SYT17: variants seen among roughly 807,000 people sequenced by gnomAD.
SYT17 encodes synaptotagmin 17.
Under a neutral mutation model 46.7 loss-of-function variants are expected in SYT17, and 22 were observed. That is an observed-to-expected ratio of 0.47 (90% CI 0.34 to 0.67). The LOEUF is 0.67. Among genes scored for constraint, SYT17 ranks in the 30% least tolerant of loss-of-function variants. SYT17 has a pLI of 0.01. For synonymous variants in SYT17, 251 were observed against 248.4 expected (o/e 1.01, Z -0.10); for missense variants, 519 against 612.8 (o/e 0.85, Z 1.62).
At chr16:19,219,993 T>A (rs1966247731) in intron 5 of SYT17, among the ~76,000 whole-genome samples, 1 of 152,216 alleles carries the variant, frequency 6.6e-6, no homozygotes, top group South Asian at 2.1e-4. Flanking sequence ...CTAGAGTAGA[T>A]GTGTCAGCAG....
At chr16:19,181,259 C>T (rs146781413) in intron 4 of SYT17, among the ~76,000 whole-genome samples, 58 of 152,236 alleles carry the variant, frequency 3.8e-4, no homozygotes, top group African/African-American at 1.3e-3. Context: ...TGTGTTTGAC[C>T]AAACAGCATG....
Position 19,180,449 on chromosome 16 carries a change from C to T in SYT17, c.241C>T (p.Pro81Ser), listed in dbSNP as rs1225707755. Residue 81 changes from proline to serine, a missense_variant, in exon 4 of 8, where the codon CCG (proline) becomes TCG (serine). Physicochemically the swap from Pro to Ser is moderately conservative, Grantham distance 74. Coordinates refer to ENST00000355377, the MANE Select transcript of SYT17 (RefSeq NM_016524.4). ...CTCTGTCCACACGGCCAGCGAAGTC[C>T]CGCTGACCCCACGGACCAATTCCCC... ...GDSVHTASEV[P>S]LTPRTNSPDG... 2 of 1,614,188 alleles carry T rather than the reference C, an allele frequency of 1.2e-6. No individual in the cohort carries two copies. Among genetic ancestry groups the T allele is most frequent in the East Asian group, 4.5e-5 (2 of 44,884 alleles).
At chr16:19,244,616 T>A (rs1393156225) in intron 7 of SYT17, among the ~76,000 whole-genome samples, 1 of 152,180 alleles carries the variant, frequency 6.6e-6, no homozygotes, top group East Asian at 1.9e-4. Flanking sequence ...ATTACAGGCA[T>A]GAGCCACCGA....
At chr16:19,178,641 G>T (rs1964418648) in intron 3 of SYT17, among the ~76,000 whole-genome samples, 1 of 152,120 alleles carries the variant, frequency 6.6e-6, no homozygotes, top group Non-Finnish European at 1.5e-5. Flanking sequence ...TCATGCACAG[G>T]ATGCGTCTGA....
intron 5 of SYT17, among the ~76,000 whole-genome samples, chr16:19,187,414 ATC>A (rs1964829374): frequency 1.3e-5 from 2 of 152,168 alleles, no homozygotes; most frequent in Non-Finnish European, 2.9e-5. Flanking sequence ...CTGAGGTACC[ATC>A]TCTCAGTAAT....
chr16:19,250,160 A>T, intron 7 of SYT17: 1 of 1,363,518 alleles, frequency 7.3e-7, no homozygotes, highest in Non-Finnish European at 9.6e-7. Flanking sequence ...TATTGAAAGA[A>T]TTGTCCCATG....
intron 5 of SYT17, among the ~76,000 whole-genome samples, chr16:19,197,449 A>G (rs78279103): frequency 0.027 from 2,230 of 82,120 alleles, 26 homozygotes; most frequent in Non-Finnish European, 0.037. Flanking sequence ...TTTGTTTGTT[A>G]TTATTATTAT....
chr16:19,182,707 G>C (rs1173471932), intron 4 of SYT17, among the ~76,000 whole-genome samples: 1 of 152,248 alleles, frequency 6.6e-6, no homozygotes, highest in African/African-American at 2.4e-5. Flanking sequence ...CTAGAAGAGA[G>C]GGATGTGCAA....
intron 3 of SYT17, among the ~76,000 whole-genome samples, chr16:19,175,593 G>A (rs76327221): frequency 0.089 from 12,907 of 145,718 alleles, 571 homozygotes; most frequent in Admixed American, 0.11. Flanking sequence ...CAGGGCTGCA[G>A]TGAGCTATAA....
At position 19,168,737 on chromosome 16, in the gene SYT17, A is replaced by C; in HGVS notation, c.15+76A>C. 2.8e-6 allele frequency: 4 copies of C among 1,412,510 alleles called. No individual in the cohort carries two copies. Among genetic ancestry groups the C allele is most frequent in the Non-Finnish European group, 3.7e-6 (4 of 1,075,326 alleles). The allele number at this position is 1,412,510 out of a possible 1,614,324, so 87.5% of individuals were successfully genotyped here. ...GCCCCCTCCGGCTGGGAGCGCGCGG[A>C]AGGGAGGGCCCACGGCTAGGCTCCC... On this transcript the variant is annotated intron_variant, in intron 1 of 7. Coordinates refer to ENST00000355377, the MANE Select transcript of SYT17 (RefSeq NM_016524.4). This position sits in a 1 kb window ranked among gnomAD's most constrained non-coding sequence, Gnocchi z 6.9.
At position 19,252,039 on chromosome 16, in the gene SYT17, G is replaced by A. The variant is rs796231645; in HGVS notation, c.1229-14841G>A. Among the ~76,000 whole-genome samples the A allele has an allele frequency of 3.3e-5, 5 of 151,864 alleles. No homozygotes were observed. In the East Asian group the frequency reaches 5.9e-4, roughly 18 times the overall value. On this transcript the variant is annotated intron_variant, in intron 7 of 7. Transcript: ENST00000355377. The stretch of plus-strand genomic sequence containing the variant: ...AGCCTGCCTAACATGGCAAAACCCC[G>A]TCTCCACTAAAAATACAAAAATTAG...
In SYT17 at chr16:19,178,512, G is replaced by A. The variant is rs978220108; in HGVS notation, c.183-1879G>A. Among the ~76,000 whole-genome samples, 9 of 151,752 alleles carry A rather than the reference G, an allele frequency of 5.9e-5. No individual in the cohort carries two copies. In the South Asian group the frequency reaches 1.0e-3, roughly 18 times the overall value. Reference sequence around the variant, plus strand: ...TCGCCATGTCGGCCGGGTTGGTCTCGAACCCCTGACCTCAAGTGATCCACC... The same window carrying A: ...TCGCCATGTCGGCCGGGTTGGTCTCAAACCCCTGACCTCAAGTGATCCACC... On this transcript the variant is annotated intron_variant, in intron 3 of 7. Transcript: ENST00000355377.
Position 19,250,042 on chromosome 16 carries a change from A to T in SYT17, c.1229-16838A>T, listed in dbSNP as rs780334450. On this transcript the variant is annotated intron_variant, in intron 7 of 7. Transcript: ENST00000355377. ...TGGAAATGAACATTTCCATGGCATA[A>T]AGAAGCAAGTAAAGGCAATAAAAGT... 4.6e-6 allele frequency: 7 copies of T among 1,535,358 alleles called. No homozygotes were observed. In the South Asian group the frequency reaches 7.2e-5, roughly 16 times the overall value.
chr16:19,202,527 T>C (rs1031888903), intron 5 of SYT17, among the ~76,000 whole-genome samples: 4 of 152,194 alleles, frequency 2.6e-5, no homozygotes, highest in African/African-American at 4.8e-5. Flanking sequence ...GAGATACCAT[T>C]ATATGGGCAG....
intron 7 of SYT17, among the ~76,000 whole-genome samples, chr16:19,225,520 C>T (rs1022381218): frequency 1.3e-5 from 2 of 152,146 alleles, no homozygotes; most frequent in Non-Finnish European, 2.9e-5. Context: ...CTCATAGTCC[C>T]TGTGGGTCAG....
intron 5 of SYT17, among the ~76,000 whole-genome samples, chr16:19,208,066 A>T (rs557110978): frequency 1.8e-4 from 28 of 152,214 alleles, no homozygotes; most frequent in Non-Finnish European, 3.5e-4. Flanking sequence ...CTCTTTAAAA[A>T]GTCAGAAAAT....
At chr16:19,241,422 C>T (rs1225231265) in intron 7 of SYT17, among the ~76,000 whole-genome samples, 2 of 152,110 alleles carry the variant, frequency 1.3e-5, no homozygotes, top group Non-Finnish European at 2.9e-5. Context: ...GCTGCAGCTG[C>T]ACCCAGGAAG....
At chr16:19,244,360 G>T (rs1173620114) in intron 7 of SYT17, among the ~76,000 whole-genome samples, 3 of 151,920 alleles carry the variant, frequency 2.0e-5, no homozygotes, top group African/African-American at 4.8e-5. Context: ...TTGAGACAGG[G>T]TCTTGCTCTG....
At chr16:19,260,052 C>T (rs1236567969) in intron 7 of SYT17, among the ~76,000 whole-genome samples, 2 of 151,908 alleles carry the variant, frequency 1.3e-5, no homozygotes, top group African/African-American at 2.4e-5. Context: ...CAAAGACTGG[C>T]AATTGGTTAT....
Sources: allele counts gnomAD v4.1 joint callset (sites outside exome capture counted in the v4.1 genomes callset), GRCh38; gene constraint gnomAD v4.1.1; non-coding constraint Gnocchi (gnomAD v3.1); transcripts MANE v1.5; gene names NCBI Gene and HGNC (gene_info 2026-07-23, HGNC 2026-07-21).